The following SCLY variants were observed in gnomAD, a reference collection of about 807,000 sequenced individuals.
SCLY encodes putative selenocysteine lyase.
SCLY carries 38 observed loss-of-function variants against 50.1 expected under a neutral mutation model. The ratio of observed to expected loss-of-function variants is 0.76; its 90% CI spans 0.59 to 0.99. The LOEUF (loss-of-function observed/expected upper bound fraction) is 0.99. SCLY is among the 50% of genes least tolerant of loss of function. The pLI, the probability that SCLY is intolerant of heterozygous loss-of-function variation, is 0.00. For missense variants in SCLY, 600 were observed against 620.0 expected (o/e 0.97, Z 0.34); for synonymous variants, 243 against 249.4 (o/e 0.97, Z 0.24).
chr2:238,069,186 T>C lies in SCLY; in HGVS notation c.304-111T>C, dbSNP rs908955467. 1.7e-5 allele frequency: 17 copies of C among 1,013,650 alleles called. No homozygotes were observed. The highest frequency in any genetic ancestry group is 2.0e-5 in the Non-Finnish European group (14 of 702,870). 62.8% of individuals were successfully genotyped at this position (1,013,650 alleles called of 1,614,324 possible). On this transcript the variant is annotated intron_variant, in intron 3 of 11. Coordinates refer to ENST00000254663, the MANE Select transcript of SCLY (RefSeq NM_016510.7). The surrounding 1 kb of genome is among the most constrained non-coding windows in gnomAD (Gnocchi z 5.0). Reference sequence around the variant, plus strand: ...GTCCCACTCAGGAAGTTGAATTTCTTTGAAGCTTTTTTGATGTTAGCCACA... The same window carrying C: ...GTCCCACTCAGGAAGTTGAATTTCTCTGAAGCTTTTTTGATGTTAGCCACA...
chr2:238,082,194 A>G lies in SCLY; in HGVS notation c.762A>G (p.Thr254=). 1 of 1,608,030 alleles carries G rather than the reference A, an allele frequency of 6.2e-7. No homozygotes were observed. The highest frequency in any genetic ancestry group is 8.5e-7 in the Non-Finnish European group (1 of 1,177,454). Reference sequence around the variant, plus strand: ...AGGACCTGGGCGTGGACTTCCTTACAATCGTGGGGCACAAGGTAAGTCTGC... The same window carrying G: ...AGGACCTGGGCGTGGACTTCCTTACGATCGTGGGGCACAAGGTAAGTCTGC... The part of the protein sequence containing the change: ...DVEDLGVDFL[T]IVGHKFYGPR... The change falls in exon 6 of 12, where the codon ACA becomes ACG. Residue 254 remains threonine, a synonymous_variant. Transcript: ENST00000254663.
chr2:238,082,179 C>G lies in SCLY; in HGVS notation c.747C>G (p.Gly249=). ...AGCGCGTGGATGTGGAGGACCTGGG[C>G]GTGGACTTCCTTACAATCGTGGGGC... The part of the protein sequence containing the change: ...GKQRVDVEDL[G]VDFLTIVGHK... Residue 249 remains glycine, a synonymous_variant, in exon 6 of 12, where the codon GGC becomes GGG. Coordinates refer to ENST00000254663, the MANE Select transcript of SCLY (RefSeq NM_016510.7). The G allele has an allele frequency of 1.9e-5, 31 of 1,610,902 alleles. No homozygotes were observed. The highest frequency in any genetic ancestry group is 2.6e-5 in the Non-Finnish European group (31 of 1,179,020).
chr2:238,097,638 C>T (rs1282321255), intron 11 of SCLY, among the ~76,000 whole-genome samples: 12 of 151,816 alleles, frequency 7.9e-5, no homozygotes, highest in Non-Finnish European at 1.8e-4. Context: ...GGGACAGTGC[C>T]CTGCTGCAGG....
At chr2:238,096,528 G>A (rs2065438216) in intron 10 of SCLY, among the ~76,000 whole-genome samples, 2 of 152,264 alleles carry the variant, frequency 1.3e-5, no homozygotes, top group Admixed American at 1.3e-4. Context: ...GACTCCAGGT[G>A]TCTTAGCAGG....
At chr2:238,096,441 G>A (rs1021317551) in intron 10 of SCLY, among the ~76,000 whole-genome samples, 4 of 152,230 alleles carry the variant, frequency 2.6e-5, no homozygotes, top group Admixed American at 2.0e-4. Context: ...GAACTCCCAC[G>A]TGTCTCTACC....
chr2:238,065,684 A>ATTATTATTATTATTG (rs1164961913), intron 2 of SCLY, among the ~76,000 whole-genome samples: 1 of 148,224 alleles, frequency 6.7e-6, no homozygotes, highest in Non-Finnish European at 1.5e-5. Flanking sequence ...TATTATTATT[A>ATTATTATTATTATTG]TTATTATTTT....
intron 4 of SCLY, among the ~76,000 whole-genome samples, chr2:238,076,345 G>T (rs1232341802): frequency 4.6e-5 from 7 of 152,060 alleles, no homozygotes; most frequent in Admixed American, 3.9e-4. Flanking sequence ...ACCCACCTTG[G>T]CCTCCAAAAG....
intron 4 of SCLY, among the ~76,000 whole-genome samples, chr2:238,077,725 G>A (rs867473262): frequency 2.0e-5 from 3 of 152,152 alleles, no homozygotes; most frequent in South Asian, 4.2e-4. Flanking sequence ...AGACTTTCCC[G>A]GCCAGGCAGT....
chr2:238,068,301 T>C (rs2065094332), intron 3 of SCLY, 136 bp downstream of exon 3: 1 of 660,322 alleles, frequency 1.5e-6, no homozygotes, highest in Non-Finnish European at 2.4e-6. Flanking sequence ...GTAATCCCAG[T>C]ACTTTGGGAG....
intron 5 of SCLY, 45 bp downstream of exon 5, chr2:238,081,881 A>T: frequency 6.2e-7 from 1 of 1,604,340 alleles, no homozygotes. Context: ...CATGGGGAAG[A>T]ACAGCAGCTT....
intron 7 of SCLY, among the ~76,000 whole-genome samples, chr2:238,086,851 C>G (rs1576674078): frequency 6.6e-6 from 1 of 152,072 alleles, no homozygotes; most frequent in Admixed American, 6.5e-5. Flanking sequence ...GAAACCCCAT[C>G]TCTACTAAAA....
rs2065210486 is a variant in SCLY at position 238,079,324 on chromosome 2, T to A, written c.485-2385T>A. 2.0e-5 allele frequency: 3 copies of A among 152,314 alleles called. No individual in the cohort carries two copies. In the South Asian group the frequency reaches 6.2e-4, roughly 31 times the overall value. The allele number at this position is 152,314 out of a possible 1,614,324, so 9.4% of individuals were successfully genotyped here. On this transcript the variant is annotated intron_variant, in intron 4 of 11. Coordinates refer to ENST00000254663, the MANE Select transcript of SCLY (RefSeq NM_016510.7). ...CTGGGCTCAAGTGATCCTCCTGCCT[T>A]GGCCTCCCAAAGTGCTTACAGGCAT...
intron 4 of SCLY, among the ~76,000 whole-genome samples, chr2:238,070,550 C>T (rs1424819589): frequency 6.6e-6 from 1 of 151,962 alleles, no homozygotes; most frequent in Non-Finnish European, 1.5e-5. Context: ...CATGGTGGTA[C>T]GTGCCTGTAG....
chr2:238,097,563 G>C (rs1044822491), intron 11 of SCLY, among the ~76,000 whole-genome samples: 10 of 152,136 alleles, frequency 6.6e-5, no homozygotes, highest in South Asian at 2.1e-4. Flanking sequence ...AGGAGCACCT[G>C]GAGCGAGACA....
rs202062094 is a variant in SCLY, at chr2:238,068,035, G to A, written c.203-30G>A. On this transcript the variant is annotated intron_variant, in intron 2 of 11. Coordinates refer to ENST00000254663, the MANE Select transcript of SCLY (RefSeq NM_016510.7). ...CGTTGATTGAGCTTGGTGAAGCAATGTTAATGAATTTCCTTTTTGGTCCCT... is the reference window on the plus strand; with the variant it reads ...CGTTGATTGAGCTTGGTGAAGCAATATTAATGAATTTCCTTTTTGGTCCCT... The A allele has an allele frequency of 7.9e-6, 12 of 1,522,580 alleles. No homozygotes were observed. The African/African-American group carries it at 1.4e-4, about 17-fold the overall frequency. 94.3% of individuals were successfully genotyped at this position (1,522,580 alleles called of 1,614,324 possible).
chr2:238,098,392 C>T lies in SCLY; in HGVS notation c.*37C>T. On this transcript the variant is annotated 3_prime_UTR_variant, in exon 12 of 12. Transcript: ENST00000254663. ...CCTTCCCCACCCCGCTTCTGGGAAGCCCGTGGCAGGGCACAGGGTTGTCCC... is the reference window on the plus strand; with the variant it reads ...CCTTCCCCACCCCGCTTCTGGGAAGTCCGTGGCAGGGCACAGGGTTGTCCC... The T allele has an allele frequency of 1.9e-6, 3 of 1,553,306 alleles. No homozygotes were observed. The highest frequency in any genetic ancestry group is 2.4e-5 in the South Asian group (2 of 84,302).
chr2:238,082,926 T>C (rs1469444797), intron 6 of SCLY: 3 of 351,704 alleles, frequency 8.5e-6, no homozygotes, highest in Middle Eastern at 9.6e-4. Context: ...CTTTCTTTTT[T>C]TTTTTTTTAA....
intron 1 of SCLY, chr2:238,061,533 G>C: frequency 5.9e-6 from 2 of 341,406 alleles, no homozygotes; most frequent in South Asian, 4.3e-5. Context: ...ATGGGGCCTC[G>C]GAAGTTGATC....
Position 238,081,826 on chromosome 2 carries a change from G to T in SCLY, c.602G>T (p.Gly201Val). The change falls in exon 5 of 12, where the codon GGC becomes GTC. Residue 201 changes from glycine to valine, a missense_variant. Transcript: ENST00000254663. ...ATCATGCTGGCCAACAATGAGACTG[G>T]CATTGTCATGGTGAGTCGGCCTTTG... ...VTIMLANNET[G>V]IVMPVPEISQ... The T allele has an allele frequency of 1.9e-6, 3 of 1,613,824 alleles. No homozygotes were observed. The highest frequency in any genetic ancestry group is 1.1e-5 in the South Asian group (1 of 91,062).
Sources: gnomAD v4.1 joint callset for allele counts (sites outside exome capture counted in the v4.1 genomes callset) on GRCh38, gnomAD v4.1.1 for gene constraint, Gnocchi (gnomAD v3.1) non-coding constraint, MANE v1.5 for transcripts, NCBI Gene and HGNC (gene_info 2026-07-23, HGNC 2026-07-21) for gene names.